UBE3B: variants seen among roughly 807,000 people sequenced by gnomAD.
The protein encoded by UBE3B is ubiquitin protein ligase E3B, also known as ubiquitin-protein ligase E3B.
UBE3B carries 80 observed loss-of-function variants against 132.3 expected under a neutral mutation model. That is an observed-to-expected ratio of 0.60 (90% confidence interval 0.50 to 0.73). The LOEUF (loss-of-function observed/expected upper bound fraction) is 0.73, where lower values mean the gene tolerates loss of function less well. Among genes scored for constraint, UBE3B ranks in the 30% least tolerant of loss-of-function variants. UBE3B has a pLI of 0.00. For missense variants in UBE3B, 1,196 were observed against 1,362.5 expected (o/e 0.88, Z 1.92); for synonymous variants, 487 against 520.4 (o/e 0.94, Z 0.87).
downstream of UBE3B, among the ~76,000 whole-genome samples, chr12:109,536,992 C>T (rs780492742): frequency 1.3e-5 from 2 of 152,194 alleles, no homozygotes; most frequent in African/African-American, 2.4e-5. Context: ...TATATCTTTG[C>T]AGTCCATGTT....
At chr12:109,530,141 G>T in intron 25 of UBE3B, 69 bp downstream of exon 25, 2 of 1,576,768 alleles carry the variant, frequency 1.3e-6, no homozygotes, top group Non-Finnish European at 8.6e-7. Context: ...CCCTCGCTGG[G>T]TTCCTTTTAG....
At chr12:109,543,639 C>T in the UBE3B span, among the ~76,000 whole-genome samples, 1 of 152,190 alleles carries the variant, frequency 6.6e-6, no homozygotes, top group African/African-American at 2.4e-5. Context: ...TCGAGACCAG[C>T]CTGGCCAACA....
intron 23 of UBE3B, among the ~76,000 whole-genome samples, chr12:109,525,318 G>A (rs1882210959): frequency 6.6e-6 from 1 of 152,212 alleles, no homozygotes; most frequent in Admixed American, 6.5e-5. Context: ...TTAATCTCAA[G>A]CTTCCCTACA....
At chr12:109,511,651 G>A (rs1236233496) in intron 18 of UBE3B, among the ~76,000 whole-genome samples, 1 of 152,202 alleles carries the variant, frequency 6.6e-6, no homozygotes, top group East Asian at 1.9e-4. Flanking sequence ...CAAATGTGCA[G>A]TGTGGCTGGA....
rs1414840350 is a variant in UBE3B, at chr12:109,498,302, T to C, written c.889T>C (p.Cys297Arg). Residue 297 changes from cysteine (C) to arginine (R), a missense_variant, in exon 11 of 28, where the codon TGC becomes CGC. Coordinates refer to ENST00000342494, the MANE Select transcript of UBE3B (RefSeq NM_130466.4). ...CATATTTTTAAGAGACCAAGATCGA[T>C]GCCGTGATGTATGTGAAAGTTTAGA... is the stretch of plus-strand genomic sequence containing the variant. Reference protein sequence around the residue: ...FIIFLRDQDRCRDVCESLEGC... With the variant: ...FIIFLRDQDRRRDVCESLEGC... The C allele has an allele frequency of 6.2e-7, 1 of 1,614,032 alleles. No homozygotes were observed. The highest frequency in any genetic ancestry group is 1.7e-5 in the Admixed American group (1 of 60,006).
At chr12:109,482,750 G>A (rs769483795) in intron 2 of UBE3B, among the ~76,000 whole-genome samples, 7 of 152,324 alleles carry the variant, frequency 4.6e-5, no homozygotes, top group Non-Finnish European at 8.8e-5. Context: ...ACAGTTACTG[G>A]TGATTTAGAT....
chr12:109,489,010 C>T (rs1379774368), intron 7 of UBE3B, among the ~76,000 whole-genome samples: 1 of 152,202 alleles, frequency 6.6e-6, no homozygotes, highest in Non-Finnish European at 1.5e-5. Context: ...GTGAATAATT[C>T]TATTTTGCCC....
At chr12:109,484,177 T>C (rs776951480) in intron 4 of UBE3B, among the ~76,000 whole-genome samples, 196 bp downstream of exon 4, 3 of 152,128 alleles carry the variant, frequency 2.0e-5, no homozygotes, top group Non-Finnish European at 4.4e-5. Flanking sequence ...CATTGACCAT[T>C]ATAAGCACAA....
intron 24 of UBE3B, among the ~76,000 whole-genome samples, 159 bp from the exon 25 acceptor site, chr12:109,529,731 G>A (rs959415836): frequency 3.3e-5 from 5 of 152,140 alleles, no homozygotes; most frequent in Non-Finnish European, 7.3e-5. Context: ...GAGTGCTGTC[G>A]TCATTGTCGC....
At chr12:109,488,536 C>T (rs149397843) in intron 6 of UBE3B, 36 bp from the exon 7 acceptor site, 36 of 1,573,428 alleles carry the variant, frequency 2.3e-5, no homozygotes, top group East Asian at 6.7e-5. Context: ...AATCAGAAGA[C>T]GTGTGTCTTA....
the UBE3B span, among the ~76,000 whole-genome samples, chr12:109,547,413 T>C: frequency 6.6e-6 from 1 of 152,246 alleles, no homozygotes; most frequent in African/African-American, 2.4e-5. The surrounding 1 kb of genome is among the most constrained non-coding windows in gnomAD (Gnocchi z 4.1). Context: ...AGTTCCATCC[T>C]GAGAACTCGA....
At chr12:109,530,817 G>GT (rs1356243866) in intron 26 of UBE3B, among the ~76,000 whole-genome samples, 159 bp downstream of exon 26, 1 of 152,208 alleles carries the variant, frequency 6.6e-6, no homozygotes, top group Admixed American at 6.5e-5. Context: ...AGGCCAAGCA[G>GT]TAACCAGAGA....
chr12:109,485,862 T>C, intron 4 of UBE3B, 150 bp from the exon 5 acceptor site: 1 of 781,604 alleles, frequency 1.3e-6, no homozygotes, highest in Non-Finnish European at 2.0e-6. Context: ...TTCAGTGTCC[T>C]CATCTGTAGG....
chr12:109,547,243 C>G, the UBE3B span, among the ~76,000 whole-genome samples: 1 of 152,250 alleles, frequency 6.6e-6, no homozygotes, highest in African/African-American at 2.4e-5. The surrounding 1 kb of genome is among the most constrained non-coding windows in gnomAD (Gnocchi z 4.1). Context: ...GATTCCAGAA[C>G]TAGACTAGAA....
intron 6 of UBE3B, among the ~76,000 whole-genome samples, chr12:109,487,424 G>A (rs1199160845): frequency 6.6e-6 from 1 of 152,158 alleles, no homozygotes; most frequent in Non-Finnish European, 1.5e-5. Context: ...TCCCCAGACC[G>A]CCCCCAACCC....
chr12:109,502,616 CTAGAGGTTGT>C (rs936282981), intron 13 of UBE3B, among the ~76,000 whole-genome samples: 2 of 152,176 alleles, frequency 1.3e-5, no homozygotes, highest in Admixed American at 6.5e-5. Context: ...GGTGTCAGAA[CTAGAGGTTGT>C]CACGCCTTAC....
Position 109,533,474 on chromosome 12 carries a change from C to G in UBE3B, c.2931C>G (p.Thr977=). ...CCTGCTTTGTGTTGCAGTTCGTGAC[C>G]AGCTGCTCCAGACCCCCGCTCCTGG... The part of the protein sequence containing the change: ...DERAMFLKFV[T]SCSRPPLLGF... Residue 977 remains threonine, a synonymous_variant, in exon 27 of 28, where the codon ACC becomes ACG. Coordinates refer to ENST00000342494, the MANE Select transcript of UBE3B (RefSeq NM_130466.4). 5 of 1,614,148 alleles carry G rather than the reference C, an allele frequency of 3.1e-6. No individual in the cohort carries two copies. Among genetic ancestry groups the G allele is most frequent in the Non-Finnish European group, 4.2e-6 (5 of 1,180,020 alleles).
intron 15 of UBE3B, among the ~76,000 whole-genome samples, chr12:109,508,228 T>A (rs181847653): frequency 6.6e-6 from 1 of 152,330 alleles, no homozygotes; most frequent in Non-Finnish European, 1.5e-5. Flanking sequence ...ACATAATTAT[T>A]GCAAAGTGCT....
chr12:109,524,988 G>A (rs779011155), intron 23 of UBE3B, among the ~76,000 whole-genome samples: 4 of 151,934 alleles, frequency 2.6e-5, no homozygotes, highest in Non-Finnish European at 4.4e-5. Context: ...AGCAGCCTCC[G>A]CGCCCTTTGA....
Sources: allele counts gnomAD v4.1 joint callset (sites outside exome capture counted in the v4.1 genomes callset), GRCh38; gene constraint gnomAD v4.1.1; non-coding constraint Gnocchi (gnomAD v3.1); transcripts MANE v1.5; gene names NCBI Gene and HGNC (gene_info 2026-07-23, HGNC 2026-07-21).